Variants in PPP2R1B observed in about 807,000 individuals in gnomAD.
The protein encoded by PPP2R1B is serine/threonine-protein phosphatase 2A 65 kDa regulatory subunit A beta isoform.
In PPP2R1B, 58 loss-of-function variants were observed where a neutral mutation model predicts 72.7. That is an observed-to-expected ratio of 0.80 (90% CI 0.65 to 0.99). The LOEUF (loss-of-function observed/expected upper bound fraction) is 0.99. Ranked by LOEUF, PPP2R1B falls within the 50% of genes least tolerant of loss-of-function variation. The pLI is 0.00. For missense variants in PPP2R1B, 695 were observed against 733.6 expected, an observed-to-expected ratio of 0.95 and a Z score of 0.61; for synonymous variants, 256 against 264.6, an observed-to-expected ratio of 0.97 and a Z score of 0.32.
intron 10 of PPP2R1B, 92 bp downstream of exon 10, chr11:111,752,067 A>C (rs1591694023): frequency 7.4e-7 from 1 of 1,356,402 alleles, no homozygotes; most frequent in East Asian, 2.4e-5. Context: ...CTAAACAAAC[A>C]TAAGCATACA....
At chr11:111,718,604 CT>C in the PPP2R1B span, 1 of 152,228 alleles carries the variant, frequency 6.6e-6, no homozygotes, top group Non-Finnish European at 1.5e-5. Flanking sequence ...CCCTAGTCTC[CT>C]TCTCCAAATA....
chr11:111,724,068 T>C (rs755875385), downstream of PPP2R1B: 7 of 1,613,946 alleles, frequency 4.3e-6, no homozygotes, highest in South Asian at 4.4e-5. Flanking sequence ...CCTGGACTCT[T>C]TGATTGTGAA....
At chr11:111,715,100 T>A in the PPP2R1B span, among the ~76,000 whole-genome samples, 124 of 152,290 alleles carry the variant, frequency 8.1e-4, no homozygotes, top group African/African-American at 2.8e-3. Flanking sequence ...GCAAAAGATA[T>A]AGACAGGAGC....
chr11:111,700,780 A>G, the PPP2R1B span: 3 of 1,370,984 alleles, frequency 2.2e-6, no homozygotes, highest in Non-Finnish European at 3.0e-6. Flanking sequence ...CCTCACAGTA[A>G]ATAGTAGTGA....
chr11:111,752,110 T>C, intron 10 of PPP2R1B, 49 bp downstream of exon 10: 2 of 1,515,788 alleles, frequency 1.3e-6, no homozygotes, highest in Non-Finnish European at 1.8e-6. Flanking sequence ...CATGGTAAAT[T>C]GTCACTATCT....
At position 111,754,483 on chromosome 11, in the gene PPP2R1B, A is replaced by G. The variant is rs375615752; in HGVS notation, c.1029+16T>C. 6.3e-7 allele frequency: 1 copy of G among 1,588,712 alleles called. No homozygotes were observed. Among genetic ancestry groups the G allele is most frequent in the Middle Eastern group, 1.7e-4 (1 of 6,012 alleles). On this transcript the variant is annotated intron_variant, in intron 8 of 14. Coordinates refer to ENST00000527614, the MANE Select transcript of PPP2R1B (RefSeq NM_002716.5). ...TTCATATAAAAGAGAGTGAAACAAA[A>G]TAAAGTCAGGTTTACCTTTATATAA...
At chr11:111,762,092 A>C (rs1945350141) in intron 3 of PPP2R1B, among the ~76,000 whole-genome samples, 2 of 152,234 alleles carry the variant, frequency 1.3e-5, no homozygotes, top group African/African-American at 4.8e-5. Flanking sequence ...TAAAAAGTGT[A>C]AACAGGCTGG....
At chr11:111,717,347 C>CAAAAAA in the PPP2R1B span, among the ~76,000 whole-genome samples, 1 of 123,348 alleles carries the variant, frequency 8.1e-6, no homozygotes, top group Non-Finnish European at 1.7e-5. Flanking sequence ...AAAAAAAGCT[C>CAAAAAA]AACATGACTG....
chr11:111,695,470 T>A, the PPP2R1B span, among the ~76,000 whole-genome samples: 2 of 152,226 alleles, frequency 1.3e-5, no homozygotes, highest in Non-Finnish European at 2.9e-5. Context: ...AATCTCCTAT[T>A]TAAATAAAAA....
At chr11:111,728,817 G>C (rs1009169868) in intron 15 of PPP2R1B, 3 of 151,930 alleles carry the variant, frequency 2.0e-5, no homozygotes, top group Admixed American at 6.6e-5. Context: ...CCAGCTACTC[G>C]GGAGGCTGAG....
downstream of PPP2R1B, chr11:111,724,366 C>T (rs1943902634): frequency 3.6e-6 from 2 of 562,742 alleles, no homozygotes; most frequent in Non-Finnish European, 6.2e-6. Context: ...GAGGCTCCTG[C>T]CCTTCGGTCG....
At chr11:111,693,031 C>T in the PPP2R1B span, among the ~76,000 whole-genome samples, 4 of 151,970 alleles carry the variant, frequency 2.6e-5, no homozygotes, top group Non-Finnish European at 5.9e-5. Flanking sequence ...TTGTTTTCCC[C>T]GTGGGTAAAA....
chr11:111,702,828 C>T, the PPP2R1B span, among the ~76,000 whole-genome samples: 2 of 152,084 alleles, frequency 1.3e-5, no homozygotes, highest in African/African-American at 4.8e-5. Flanking sequence ...GCTTACGTAG[C>T]CTTAGTATAT....
At chr11:111,746,584 A>G (rs1944713074) in intron 11 of PPP2R1B, among the ~76,000 whole-genome samples, 1 of 152,220 alleles carries the variant, frequency 6.6e-6, no homozygotes, top group Admixed American at 6.5e-5. Flanking sequence ...TGGCACATGT[A>G]TATCTATGTA....
At chr11:111,758,812 G>A (rs2136101757) in intron 5 of PPP2R1B, among the ~76,000 whole-genome samples, 1 of 152,118 alleles carries the variant, frequency 6.6e-6, no homozygotes, top group South Asian at 2.1e-4. Flanking sequence ...CCTTCTAATA[G>A]TTCATTAAGT....
chr11:111,728,207 A>C (rs1271358533), intron 15 of PPP2R1B: 1 of 152,160 alleles, frequency 6.6e-6, no homozygotes, highest in Non-Finnish European at 1.5e-5. Context: ...GAAAGGTGAA[A>C]ATTGGAGAAC....
intron 3 of PPP2R1B, among the ~76,000 whole-genome samples, chr11:111,763,799 C>T (rs1945416966): frequency 6.6e-6 from 1 of 151,774 alleles, no homozygotes; most frequent in Admixed American, 6.6e-5. Flanking sequence ...ACCTGTTTGA[C>T]ATACAAGTAG....
the PPP2R1B span, chr11:111,703,574 T>TA: frequency 1.5e-6 from 1 of 656,434 alleles, no homozygotes; most frequent in Non-Finnish European, 2.6e-6. Flanking sequence ...ACTCTATTTA[T>TA]ATTTGCTTTT....
chr11:111,738,281 G>GTCAC lies in PPP2R1B; in HGVS notation c.*3311_*3314dup, dbSNP rs1239833150. 2 of 985,330 alleles carry GTCAC rather than the reference G, an allele frequency of 2.0e-6. No individual in the cohort carries two copies. The highest frequency in any genetic ancestry group is 2.4e-6 in the Non-Finnish European group (2 of 829,972). 61.0% of individuals were successfully genotyped at this position (985,330 alleles called of 1,614,324 possible). On this transcript the variant is annotated 3_prime_UTR_variant, in exon 15 of 15. Transcript: ENST00000527614. ...AAATAAGAAGCTTTACGATAAGAGT[G>GTCAC]TCACCATTTTTAAAAGTCAGAGGAA...
Sources: allele counts gnomAD v4.1 joint callset (sites outside exome capture counted in the v4.1 genomes callset), GRCh38; gene constraint gnomAD v4.1.1; transcripts MANE v1.5; gene names NCBI Gene and HGNC (gene_info 2026-07-23, HGNC 2026-07-21).